The following ELAVL4 variants were observed in gnomAD, a reference collection of about 807,000 sequenced individuals.
The protein encoded by ELAVL4 is ELAV-like protein 4.
In ELAVL4, 1 loss-of-function variant was observed where a neutral mutation model predicts 35.6. The ratio of observed to expected loss-of-function variants is 0.03; its 90% CI spans 0.01 to 0.13. The LOEUF (loss-of-function observed/expected upper bound fraction) is 0.13. Among genes scored for constraint, ELAVL4 ranks in the 10% least tolerant of loss-of-function variants. The pLI, the probability that ELAVL4 is intolerant of heterozygous loss-of-function variation, is 1.00. For synonymous variants in ELAVL4, 156 were observed against 171.0 expected (o/e 0.91, Z 0.69); for missense variants, 267 against 464.9 (o/e 0.57, Z 3.91).
chr1:50,158,671 A>T (rs1354677650), intron 2 of ELAVL4, among the ~76,000 whole-genome samples: 1 of 152,182 alleles, frequency 6.6e-6, no homozygotes, highest in Non-Finnish European at 1.5e-5. Flanking sequence ...TGTCTAGATT[A>T]TCCCAGAAGC....
At chr1:50,054,016 G>T (rs1309625285) in intron 1 of ELAVL4, among the ~76,000 whole-genome samples, 1 of 152,194 alleles carries the variant, frequency 6.6e-6, no homozygotes, top group African/African-American at 2.4e-5. Context: ...TATGGCAGGA[G>T]TATACCTAGA....
At chr1:50,138,727 A>G (rs538493102) in intron 1 of ELAVL4, among the ~76,000 whole-genome samples, 7 of 152,196 alleles carry the variant, frequency 4.6e-5, no homozygotes, top group African/African-American at 1.7e-4. Flanking sequence ...TGGCCTCCCA[A>G]AGTGCTGGGA....
intron 2 of ELAVL4, chr1:50,175,926 C>G (rs1174116783): frequency 1.3e-5 from 2 of 152,198 alleles, no homozygotes; most frequent in Non-Finnish European, 2.9e-5. Flanking sequence ...ATGTGACGTC[C>G]TGTCATTTTC....
upstream of ELAVL4, chr1:50,105,648 T>C (rs1016845496): frequency 6.6e-6 from 1 of 152,228 alleles, no homozygotes; most frequent in African/African-American, 2.4e-5. Context: ...ACTGTTACTT[T>C]AAAGAGTAGT....
chr1:50,202,054 T>G lies in ELAVL4; in HGVS notation c.*876T>G, dbSNP rs1644414141. The G allele has an allele frequency of 6.6e-6, 1 of 152,196 alleles. No individual in the cohort carries two copies. Among genetic ancestry groups the G allele is most frequent in the African/African-American group, 2.4e-5 (1 of 41,454 alleles). 9.4% of individuals were successfully genotyped at this position (152,196 alleles called of 1,614,324 possible). Reference sequence around the variant, plus strand: ...CTTTTTAGAGATCAAGATGTGTGTTTTAAACTGGATTCGTAGACTGTTTTT... The same window carrying G: ...CTTTTTAGAGATCAAGATGTGTGTTGTAAACTGGATTCGTAGACTGTTTTT... On this transcript the variant is annotated 3_prime_UTR_variant, in exon 7 of 7. Coordinates refer to ENST00000371824, the MANE Select transcript of ELAVL4 (RefSeq NM_001144774.3).
At chr1:50,081,814 G>T (rs951778544) in intron 1 of ELAVL4, among the ~76,000 whole-genome samples, 2 of 152,148 alleles carry the variant, frequency 1.3e-5, no homozygotes, top group African/African-American at 4.8e-5. Context: ...TTCTCCTAAA[G>T]CTACCCCTCC....
Position 50,201,335 on chromosome 1 carries a change from C to T in ELAVL4, c.*157C>T, listed in dbSNP as rs765198179. 111 of 801,412 alleles carry T rather than the reference C, an allele frequency of 1.4e-4. No homozygotes were observed. Among genetic ancestry groups the T allele is most frequent in the Non-Finnish European group, 1.8e-4 (104 of 569,852 alleles). 49.6% of individuals were successfully genotyped at this position (801,412 alleles called of 1,614,324 possible). ...AGCCAGTGTTGCCTAAGTATTAAAA[C>T]ATTGGATTATCCTGAGGTGTACCAG... is the stretch of plus-strand genomic sequence containing the variant. On this transcript the variant is annotated 3_prime_UTR_variant, in exon 7 of 7. Coordinates refer to ENST00000371824, the MANE Select transcript of ELAVL4 (RefSeq NM_001144774.3). The surrounding 1 kb of genome is among the most constrained non-coding windows in gnomAD (Gnocchi z 4.3).
chr1:50,083,851 G>A (rs182208329), intron 1 of ELAVL4, among the ~76,000 whole-genome samples: 23 of 152,286 alleles, frequency 1.5e-4, no homozygotes, highest in Admixed American at 7.2e-4. Context: ...AGAACCTGTG[G>A]CATTGTTGAC....
intron 1 of ELAVL4, among the ~76,000 whole-genome samples, chr1:50,063,817 G>C (rs907435721): frequency 4.6e-5 from 7 of 152,068 alleles, no homozygotes; most frequent in African/African-American, 1.7e-4. Context: ...CTTTCAGTTA[G>C]AACCTCTTAC....
At chr1:50,129,129 G>T (rs1373834356) in intron 1 of ELAVL4, among the ~76,000 whole-genome samples, 1 of 151,892 alleles carries the variant, frequency 6.6e-6, no homozygotes, top group Non-Finnish European at 1.5e-5. Flanking sequence ...TGTAAGTGAG[G>T]GTTTTGTAAG....
At chr1:50,165,169 A>G (rs898202557) in intron 2 of ELAVL4, among the ~76,000 whole-genome samples, 2 of 152,138 alleles carry the variant, frequency 1.3e-5, no homozygotes, top group African/African-American at 4.8e-5. Context: ...TCATTTGACA[A>G]GCGTGATGAT....
At position 50,203,398 on chromosome 1, in the gene ELAVL4, G is replaced by A. The variant is rs775498613; in HGVS notation, c.*2220G>A. 2 of 151,276 alleles carry A rather than the reference G, an allele frequency of 1.3e-5. No homozygotes were observed. The highest frequency in any genetic ancestry group is 2.4e-5 in the African/African-American group (1 of 41,146). 9.4% of individuals were successfully genotyped at this position (151,276 alleles called of 1,614,324 possible). On this transcript the variant is annotated 3_prime_UTR_variant, in exon 7 of 7. Transcript: ENST00000371824. ...TTTTCTGTTTTTTTTTCCTCTTTTCGGTTTTGGATATAACACCAGATTTCA... is the reference window on the plus strand; with the variant it reads ...TTTTCTGTTTTTTTTTCCTCTTTTCAGTTTTGGATATAACACCAGATTTCA...
chr1:50,128,826 C>T (rs1670386026), intron 1 of ELAVL4, among the ~76,000 whole-genome samples: 3 of 151,990 alleles, frequency 2.0e-5, no homozygotes, highest in Admixed American at 2.0e-4. Flanking sequence ...GCTTATGGAA[C>T]TTGTAGTGGG....
intron 2 of ELAVL4, among the ~76,000 whole-genome samples, chr1:50,166,775 G>A (rs775797779): frequency 9.2e-5 from 14 of 152,148 alleles, no homozygotes; most frequent in Non-Finnish European, 1.9e-4. Context: ...TGGAGTAGTA[G>A]ACTAATTTCA....
At chr1:50,158,362 T>C (rs1279943123) in intron 2 of ELAVL4, among the ~76,000 whole-genome samples, 2 of 152,308 alleles carry the variant, frequency 1.3e-5, no homozygotes, top group East Asian at 3.9e-4. Flanking sequence ...TATACTGTAC[T>C]AGCTTCCAGG....
intron 1 of ELAVL4, among the ~76,000 whole-genome samples, chr1:50,073,669 C>A (rs186509458): frequency 1.3e-5 from 2 of 152,250 alleles, no homozygotes; most frequent in African/African-American, 4.8e-5. Flanking sequence ...CACGTACACA[C>A]ACATACACAC....
chr1:50,116,753 G>C (rs1295369925), intron 1 of ELAVL4, among the ~76,000 whole-genome samples: 1 of 152,010 alleles, frequency 6.6e-6, no homozygotes, highest in African/African-American at 2.4e-5. Flanking sequence ...ACTTAAAAGG[G>C]AGTAAATGAC....
chr1:50,144,486 CTTAAT>C, intron 1 of ELAVL4: 1 of 439,926 alleles, frequency 2.3e-6, no homozygotes, highest in East Asian at 6.2e-5. Flanking sequence ...AACAACCCCA[CTTAAT>C]TTAATGTCAT....
chr1:50,198,040 G>A (rs893733602), intron 6 of ELAVL4, among the ~76,000 whole-genome samples: 4 of 152,220 alleles, frequency 2.6e-5, no homozygotes, highest in Non-Finnish European at 4.4e-5. Flanking sequence ...TGAGAATGAA[G>A]TGTATCTGTG....
Sources: gnomAD v4.1 joint callset for allele counts (sites outside exome capture counted in the v4.1 genomes callset) on GRCh38, gnomAD v4.1.1 for gene constraint, Gnocchi (gnomAD v3.1) non-coding constraint, MANE v1.5 for transcripts, NCBI Gene and HGNC (gene_info 2026-07-23, HGNC 2026-07-21) for gene names.